The following TASP1 variants were observed in gnomAD, a reference collection of about 807,000 sequenced individuals.
The protein encoded by TASP1 is threonine aspartase 1.
In TASP1, 16 loss-of-function variants were observed where a neutral mutation model predicts 56.6. That is an observed-to-expected ratio of 0.28 (90% CI 0.19 to 0.43). The LOEUF (loss-of-function observed/expected upper bound fraction) is 0.43. Among genes scored for constraint, TASP1 ranks in the 20% least tolerant of loss-of-function variants. TASP1 has a pLI of 1.00. For synonymous variants in TASP1, 179 were observed against 184.2 expected, an observed-to-expected ratio of 0.97 and a Z score of 0.23; for missense variants, 393 against 511.6, an observed-to-expected ratio of 0.77 and a Z score of 2.24.
At chr20:13,263,403 G>C in the TASP1 span, among the ~76,000 whole-genome samples, 102 of 149,370 alleles carry the variant, frequency 6.8e-4, no homozygotes, top group Non-Finnish European at 1.3e-3. Flanking sequence ...CTAAGAACAA[G>C]TGTGCCCCTT....
intron 4 of TASP1, among the ~76,000 whole-genome samples, chr20:13,605,007 T>C (rs1414337119): frequency 4.0e-5 from 6 of 148,704 alleles, no homozygotes; most frequent in Non-Finnish European, 8.9e-5. Flanking sequence ...TATATATATA[T>C]ATATATGTAT....
the TASP1 span, among the ~76,000 whole-genome samples, chr20:13,320,235 A>C: frequency 1.3e-5 from 2 of 152,182 alleles, no homozygotes; most frequent in Non-Finnish European, 2.9e-5. Flanking sequence ...TATTCATGGA[A>C]TAGGTGGTAG....
chr20:13,476,139 C>CAAAT (rs1390182846), intron 11 of TASP1, among the ~76,000 whole-genome samples: 1 of 151,986 alleles, frequency 6.6e-6, no homozygotes, highest in Non-Finnish European at 1.5e-5. Context: ...AATAAACAAA[C>CAAAT]AAACAAATAA....
chr20:13,430,115 A>C (rs2042755164), intron 12 of TASP1, among the ~76,000 whole-genome samples: 1 of 152,202 alleles, frequency 6.6e-6, no homozygotes, highest in African/African-American at 2.4e-5. Context: ...AGGGTCCCCA[A>C]AAAGAGAATC....
At chr20:13,398,277 C>T (rs189839103) in intron 13 of TASP1, among the ~76,000 whole-genome samples, 12 of 152,060 alleles carry the variant, frequency 7.9e-5, no homozygotes, top group East Asian at 1.9e-4. Flanking sequence ...CTTACTGATC[C>T]GACCCATGCC....
chr20:13,373,033 G>T, the TASP1 span, among the ~76,000 whole-genome samples: 1 of 151,952 alleles, frequency 6.6e-6, no homozygotes, highest in Non-Finnish European at 1.5e-5. Context: ...CTATTAAAGA[G>T]AGATAACAAA....
intron 10 of TASP1, among the ~76,000 whole-genome samples, chr20:13,484,793 C>A (rs977632345): frequency 1.3e-5 from 2 of 149,626 alleles, no homozygotes; most frequent in Non-Finnish European, 3.0e-5. Context: ...TGGAATACTA[C>A]GCAGCCATAA....
chr20:13,515,855 C>A (rs2044508639), intron 10 of TASP1, among the ~76,000 whole-genome samples: 1 of 152,030 alleles, frequency 6.6e-6, no homozygotes, highest in African/African-American at 2.4e-5. Context: ...TATCAATTTA[C>A]AAAACTCAAA....
chr20:13,249,313 C>T, the TASP1 span, among the ~76,000 whole-genome samples: 5 of 152,268 alleles, frequency 3.3e-5, no homozygotes, highest in Admixed American at 6.5e-5. Context: ...GCTGGTGCAG[C>T]CATTCCAGGC....
At chr20:13,222,055 C>T in the TASP1 span, 4 of 850,848 alleles carry the variant, frequency 4.7e-6, no homozygotes, top group African/African-American at 1.8e-5. Flanking sequence ...TAGTTTTGCC[C>T]GGGCCACTTG....
chr20:13,579,263 G>T (rs957482586), intron 6 of TASP1, among the ~76,000 whole-genome samples: 1 of 152,142 alleles, frequency 6.6e-6, no homozygotes, highest in Admixed American at 6.6e-5. Context: ...GAAGGACTCC[G>T]CATGCACCTA....
At chr20:13,570,134 T>C (rs1335551715) in intron 6 of TASP1, among the ~76,000 whole-genome samples, 4 of 148,774 alleles carry the variant, frequency 2.7e-5, no homozygotes, top group Non-Finnish European at 5.9e-5. Context: ...CTATGGTATG[T>C]CCCAAAAGTA....
the TASP1 span, among the ~76,000 whole-genome samples, chr20:13,232,468 G>A: frequency 6.6e-6 from 1 of 152,212 alleles, no homozygotes; most frequent in African/African-American, 2.4e-5. Context: ...TCTGTGCATA[G>A]ATAATTTGTT....
chr20:13,368,512 T>C, the TASP1 span: 2 of 152,240 alleles, frequency 1.3e-5, no homozygotes, highest in African/African-American at 4.8e-5. Context: ...CACTAACTCC[T>C]GGCAGCCATG....
At chr20:13,279,578 T>C in the TASP1 span, 4 of 1,542,246 alleles carry the variant, frequency 2.6e-6, no homozygotes, top group South Asian at 4.8e-5. Flanking sequence ...CCAAGGGTCA[T>C]GTAGCTTGGA....
At chr20:13,352,219 G>A in the TASP1 span, among the ~76,000 whole-genome samples, 1 of 152,108 alleles carries the variant, frequency 6.6e-6, no homozygotes, top group Non-Finnish European at 1.5e-5. Flanking sequence ...GGAGGCCAAG[G>A]TGGGTGGATC....
chr20:13,276,072 C>A, the TASP1 span, among the ~76,000 whole-genome samples: 1 of 152,214 alleles, frequency 6.6e-6, no homozygotes, highest in African/African-American at 2.4e-5. Flanking sequence ...ATTTTGTGTT[C>A]TTTCCATGGC....
At chr20:13,312,113 G>T in the TASP1 span, among the ~76,000 whole-genome samples, 1 of 152,098 alleles carries the variant, frequency 6.6e-6, no homozygotes, top group Non-Finnish European at 1.5e-5. Flanking sequence ...GTGTTGATAC[G>T]AGTTAAATCT....
Position 13,606,232 on chromosome 20 carries a change from T to C in TASP1, c.282+17214A>G, listed in dbSNP as rs1433086177. 3.9e-5 allele frequency among the ~76,000 whole-genome samples: 6 copies of C among 152,224 alleles called. No homozygotes were observed. In the South Asian group the frequency reaches 6.2e-4, roughly 16 times the overall value. On this transcript the variant is annotated intron_variant, in intron 4 of 13. Transcript: ENST00000337743. ...TTATAAAGAAGAATGAAGTGGAATA[T>C]GAAGGGACAGTGGGTACTTTTCTCT...
Sources: gnomAD v4.1 joint callset for allele counts (sites outside exome capture counted in the v4.1 genomes callset) on GRCh38, gnomAD v4.1.1 for gene constraint, MANE v1.5 for transcripts, NCBI Gene and HGNC (gene_info 2026-07-23, HGNC 2026-07-21) for gene names.